Variants in MSH3 observed in about 807,000 individuals in gnomAD.
The protein encoded by MSH3 is DNA mismatch repair protein Msh3.
A neutral mutation model predicts 123.3 loss-of-function variants in MSH3; 106 were observed. That is an observed-to-expected ratio of 0.86 (90% confidence interval 0.73 to 1.01). The LOEUF (loss-of-function observed/expected upper bound fraction) is 1.01. Among genes scored for constraint, MSH3 ranks in the 50% least tolerant of loss-of-function variants. The probability of loss-of-function intolerance (pLI) is 0.00; values close to 1 mark genes in which losing one functional copy is unlikely to be tolerated. For synonymous variants in MSH3, 515 were observed against 481.4 expected (o/e 1.07, Z -0.91); for missense variants, 1,459 against 1,347.6 (o/e 1.08, Z -1.29).
chr5:80,759,193 T>G (rs1256053910), intron 12 of MSH3, among the ~76,000 whole-genome samples: 1 of 152,236 alleles, frequency 6.6e-6, no homozygotes, highest in Non-Finnish European at 1.5e-5. Context: ...TCACTGAATT[T>G]ATAGTCTTGT....
chr5:80,746,846 C>A, intron 12 of MSH3: 1 of 249,456 alleles, frequency 4.0e-6, no homozygotes, highest in South Asian at 5.5e-5. Context: ...AGACCACTGG[C>A]CAGAGGCTCA....
chr5:80,856,010 G>T (rs533320312), intron 21 of MSH3, among the ~76,000 whole-genome samples: 15 of 150,976 alleles, frequency 9.9e-5, no homozygotes, highest in Admixed American at 3.3e-4. Flanking sequence ...TCGGCCTCCC[G>T]AGTAGCTGGG....
At chr5:80,700,929 G>A (rs1750594659) in intron 8 of MSH3, among the ~76,000 whole-genome samples, 1 of 152,184 alleles carries the variant, frequency 6.6e-6, no homozygotes, top group Non-Finnish European at 1.5e-5. Context: ...AAGCAATTGT[G>A]TGAGGTGTGC....
rs201259457 is a variant in MSH3 at position 80,787,690 on chromosome 5, T to C, written c.2543+18T>C. On this transcript the variant is annotated intron_variant, in intron 18 of 23. Transcript: ENST00000265081. The stretch of plus-strand genomic sequence containing the variant: ...TACTGCAGGTAAGATATTTTTCATT[T>C]TCCTCTTTATCAGTGCTTTAGATAA... The C allele has an allele frequency of 6.4e-5, 98 of 1,520,464 alleles. 1 individual carries two copies. In the African/African-American group the frequency reaches 1.1e-3, roughly 17 times the overall value. The allele number at this position is 1,520,464 out of a possible 1,614,324, so 94.2% of individuals were successfully genotyped here. A position where few individuals can be genotyped will look rare whatever the true frequency, so the allele number is the denominator to read the frequency against.
chr5:80,853,370 G>T (rs1388691785), intron 20 of MSH3, among the ~76,000 whole-genome samples: 1 of 152,080 alleles, frequency 6.6e-6, no homozygotes, highest in Middle Eastern at 3.2e-3. Flanking sequence ...AGTTACTTGG[G>T]AGGCTGAGGC....
At chr5:80,825,623 A>G (rs577102019) in intron 20 of MSH3, among the ~76,000 whole-genome samples, 8 of 152,260 alleles carry the variant, frequency 5.3e-5, no homozygotes, top group Non-Finnish European at 1.0e-4. Flanking sequence ...GTTGGATTGT[A>G]AGGAACATGT....
chr5:80,699,931 A>G (rs1308586461), intron 8 of MSH3, among the ~76,000 whole-genome samples: 1 of 152,010 alleles, frequency 6.6e-6, no homozygotes, highest in African/African-American at 2.4e-5. Context: ...TTCGTAGGAA[A>G]TCTCTTTTTT....
rs749446559 is a variant in MSH3, at chr5:80,670,099, C to G, written c.582C>G (p.Asp194Glu). ...EDSKRQINQK[D>E]TTLFDLSQFG... ...TTTATACATCTTTTGGTTGCCAGGA[C>G]ACAACACTTTTTGATCTCAGTCAGT... Residue 194 changes from aspartate (D) to glutamate (E), a missense_variant and splice_region_variant, in exon 4 of 24, where the codon GAC becomes GAG. Asp to Glu is a conservative substitution (Grantham distance 45). Coordinates refer to ENST00000265081, the MANE Select transcript of MSH3 (RefSeq NM_002439.5). 1.1e-5 allele frequency: 18 copies of G among 1,613,842 alleles called. No individual in the cohort carries two copies. Among genetic ancestry groups the G allele is most frequent in the Middle Eastern group, 1.6e-4 (1 of 6,082 alleles).
At chr5:80,713,671 G>C (rs1750900728) in intron 8 of MSH3, among the ~76,000 whole-genome samples, 1 of 152,158 alleles carries the variant, frequency 6.6e-6, no homozygotes, top group Non-Finnish European at 1.5e-5. Context: ...GGTATTTACT[G>C]TCCACCTCTA....
chr5:80,680,821 A>G (rs1749956421), intron 8 of MSH3, among the ~76,000 whole-genome samples: 1 of 152,164 alleles, frequency 6.6e-6, no homozygotes, highest in African/African-American at 2.4e-5. Flanking sequence ...AGGTACCCTT[A>G]AAAACAAAAT....
chr5:80,768,107 G>T lies in MSH3; in HGVS notation c.2071G>T (p.Glu691Ter), dbSNP rs761077637. 1 of 1,613,614 alleles carries T rather than the reference G, an allele frequency of 6.2e-7. No homozygotes were observed. Among genetic ancestry groups the T allele is most frequent in the South Asian group, 1.1e-5 (1 of 91,072 alleles). Residue 691 changes from glutamate to a stop codon, truncating the protein, a stop_gained, in exon 14 of 24, where the codon GAA (glutamate) becomes TAA (stop). Transcript: ENST00000265081. LOFTEE classifies it high-confidence loss of function. Reference protein sequence around the residue: ...PVEHYLKILNEQAAKVGDKTE... With the variant: ...PVEHYLKILN ...GGAGCATTACTTAAAGATACTCAAT[G>T]AACAAGCTGCCAAGTAAGTACCAGA...
At chr5:80,732,392 T>G (rs916572569) in intron 10 of MSH3, among the ~76,000 whole-genome samples, 1 of 152,116 alleles carries the variant, frequency 6.6e-6, no homozygotes, top group Non-Finnish European at 1.5e-5. Context: ...AAACTTCTTA[T>G]GATAACAGAA....
chr5:80,669,162 T>A (rs553710598), intron 3 of MSH3, among the ~76,000 whole-genome samples: 57 of 152,346 alleles, frequency 3.7e-4, no homozygotes, highest in African/African-American at 1.3e-3. Flanking sequence ...GATGTCCCGG[T>A]GAAGCTGAAT....
intron 8 of MSH3, among the ~76,000 whole-genome samples, chr5:80,704,159 G>A (rs1031611034): frequency 1.6e-4 from 25 of 152,214 alleles, no homozygotes; most frequent in African/African-American, 5.5e-4. Context: ...TGCTACCCAC[G>A]CCGCCGTGAC....
At chr5:80,866,261 C>T (rs1223746960) in intron 22 of MSH3, among the ~76,000 whole-genome samples, 1 of 152,156 alleles carries the variant, frequency 6.6e-6, no homozygotes, top group Non-Finnish European at 1.5e-5. Context: ...ATGTCAGCCT[C>T]CCCGGTAGCT....
In MSH3 at chr5:80,670,142, A is replaced by C; in HGVS notation, c.625A>C (p.Ser209Arg). The C allele has an allele frequency of 6.2e-7, 1 of 1,614,184 alleles. No individual in the cohort carries two copies. The highest frequency in any genetic ancestry group is 8.5e-7 in the Non-Finnish European group (1 of 1,180,018). ...CAGTCAGTTTGGATCATCAAATACAAGTCATGAAAATTTACAGAAAACTGC... is the reference window on the plus strand; with the variant it reads ...CAGTCAGTTTGGATCATCAAATACACGTCATGAAAATTTACAGAAAACTGC... ...DLSQFGSSNT[S>R]HENLQKTASK... Residue 209 changes from serine to arginine, a missense_variant, in exon 4 of 24, where the codon AGT becomes CGT. Transcript: ENST00000265081.
intron 17 of MSH3, among the ~76,000 whole-genome samples, chr5:80,785,210 G>A (rs549844143): frequency 2.6e-5 from 4 of 152,280 alleles, no homozygotes; most frequent in East Asian, 1.9e-4. Context: ...TTTATTGTCC[G>A]TTTGTTGTCT....
At chr5:80,667,657 G>C (rs1253465216) in intron 3 of MSH3, among the ~76,000 whole-genome samples, 2 of 152,218 alleles carry the variant, frequency 1.3e-5, no homozygotes, top group African/African-American at 2.4e-5. Flanking sequence ...CGGCAGGGTG[G>C]GCAGCTCCAG....
intron 19 of MSH3, among the ~76,000 whole-genome samples, chr5:80,805,429 T>C (rs985590933): frequency 1.3e-5 from 2 of 152,196 alleles, no homozygotes; most frequent in African/African-American, 4.8e-5. Flanking sequence ...TACTGAAATA[T>C]ACATTAGAAT....
Sources: allele counts gnomAD v4.1 joint callset (sites outside exome capture counted in the v4.1 genomes callset), GRCh38; gene constraint gnomAD v4.1.1; transcripts MANE v1.5; gene names NCBI Gene and HGNC (gene_info 2026-07-23, HGNC 2026-07-21).